ZNF563: variants seen among roughly 807,000 people sequenced by gnomAD.
ZNF563 encodes zinc finger protein 563.
In ZNF563, 39 loss-of-function variants were observed where a neutral mutation model predicts 48.5. The ratio of observed to expected loss-of-function variants is 0.80; its 90% CI spans 0.62 to 1.05. The LOEUF (loss-of-function observed/expected upper bound fraction) is 1.05. Among genes scored for constraint, ZNF563 ranks in the 50% least tolerant of loss-of-function variants. ZNF563 has a pLI of 0.00. For synonymous variants in ZNF563, 168 were observed against 187.9 expected, an observed-to-expected ratio of 0.89 and a Z score of 0.87; for missense variants, 538 against 597.0, an observed-to-expected ratio of 0.90 and a Z score of 1.03.
the ZNF563 span, chr19:12,346,775 G>C: frequency 6.6e-6 from 1 of 152,178 alleles, no homozygotes; most frequent in South Asian, 2.1e-4. Flanking sequence ...CAAAAACAAT[G>C]AGTTCCTGAT....
Position 12,321,285 on chromosome 19 carries a change from T to A in ZNF563, c.178A>T (p.Arg60Trp), listed in dbSNP as rs1599568739. ...AGTGCAAATTACCTTAGATTTCTCC[T>A]AGGATTTTTGTACTGATCTTCAGTA... ...QNTEDQYKNP[R>W]RNLRCHMVER... is the part of the protein sequence containing the mutation. The change falls in exon 3 of 4, where the codon AGG becomes TGG. Residue 60 changes from arginine (R) to tryptophan (W), a missense_variant. By Grantham distance (101) the Arg-to-Trp change is moderately radical. Transcript: ENST00000293725. 1.3e-6 allele frequency: 2 copies of A among 1,577,152 alleles called. No individual in the cohort carries two copies. Among genetic ancestry groups the A allele is most frequent in the East Asian group, 2.3e-5 (1 of 42,622 alleles).
upstream of ZNF563, among the ~76,000 whole-genome samples, chr19:12,337,776 C>T (rs1969035169): frequency 6.6e-6 from 1 of 152,124 alleles, no homozygotes; most frequent in Admixed American, 6.5e-5. Context: ...GAGAAGGTGA[C>T]ATTTAATGTG....
chr19:12,329,789 G>GA (rs1223104236), intron 1 of ZNF563, among the ~76,000 whole-genome samples: 2 of 152,072 alleles, frequency 1.3e-5, no homozygotes, highest in Non-Finnish European at 2.9e-5. Flanking sequence ...AATATCCCAA[G>GA]AAAAAGGAAC....
At chr19:12,338,177 C>T (rs116763168), upstream of ZNF563, among the ~76,000 whole-genome samples, 2,157 of 152,206 alleles carry the variant, frequency 0.014, 51 homozygotes, top group African/African-American at 0.05. Context: ...GGCAGGGTAC[C>T]AAGCATAAAG....
At chr19:12,327,373 T>G (rs1191530408) in intron 1 of ZNF563, among the ~76,000 whole-genome samples, 2 of 148,044 alleles carry the variant, frequency 1.4e-5, no homozygotes, top group African/African-American at 5.0e-5. Context: ...GGCAGGAGAA[T>G]CGCTTGAACC....
Position 12,333,588 on chromosome 19 carries a change from G to A in ZNF563, c.-106C>T, listed in dbSNP as rs909049441. 6.6e-7 allele frequency: 1 copy of A among 1,514,590 alleles called. No homozygotes were observed. Among genetic ancestry groups the A allele is most frequent in the East Asian group, 2.3e-5 (1 of 43,078 alleles). 93.8% of individuals were successfully genotyped at this position (1,514,590 alleles called of 1,614,324 possible). On this transcript the variant is annotated 5_prime_UTR_variant, in exon 1 of 4. Coordinates refer to ENST00000293725, the MANE Select transcript of ZNF563 (RefSeq NM_145276.3). ...CAGACGTTCCAGGGCGTCTCTCAGC[G>A]ACTGAGGCTACACAGACGTTCCAGG... is the stretch of plus-strand genomic sequence containing the variant.
upstream of ZNF563, among the ~76,000 whole-genome samples, chr19:12,338,397 A>G (rs28876998): frequency 0.049 from 7,407 of 152,106 alleles, 597 homozygotes; most frequent in African/African-American, 0.17. Flanking sequence ...ACAGGTGTGT[A>G]CCACCACACC....
chr19:12,339,273 CTTTT>C, the ZNF563 span, among the ~76,000 whole-genome samples: 3,465 of 86,722 alleles, frequency 0.04, 213 homozygotes, highest in African/African-American at 0.13. Context: ...CAGTTGATTT[CTTTT>C]TTTTTTTTTT....
Position 12,319,761 on chromosome 19 carries a change from T to A in ZNF563, c.264A>T (p.Arg88=). ...AAATGCTGTTGTTCACAATACTATC[T>A]CGAATGAGGCTAAATGTTTCTCCAC... is the stretch of plus-strand genomic sequence containing the variant. ...SQCGETFSLI[R]DSIVNNSICP... The change falls in exon 4 of 4, where the codon CGA becomes CGT. Residue 88 remains arginine, a synonymous_variant. Transcript: ENST00000293725. The A allele has an allele frequency of 6.2e-7, 1 of 1,614,198 alleles. No individual in the cohort carries two copies. Among genetic ancestry groups the A allele is most frequent in the Non-Finnish European group, 8.5e-7 (1 of 1,180,048 alleles).
At chr19:12,333,782 C>T, upstream of ZNF563, 1 of 470,792 alleles carries the variant, frequency 2.1e-6, no homozygotes, top group South Asian at 3.5e-5. Context: ...CCCCTGGGCA[C>T]TGAGTGACAG....
At position 12,319,243 on chromosome 19, in the gene ZNF563, G is replaced by C. The variant is rs150602666; in HGVS notation, c.782C>G (p.Ala261Gly). The C allele has an allele frequency of 2.5e-6, 4 of 1,614,022 alleles. No homozygotes were observed. The South Asian group carries it at 3.3e-5, about 13-fold the overall frequency. ...KPYECKQCSK[A>G]LPDSSSYIRH... ...TATATAGGAACTGGAATCAGGCAAG[G>C]CTTTAGAACACTGCTTACATTCATA... The change falls in exon 4 of 4, where the codon GCC becomes GGC. Residue 261 changes from alanine to glycine, a missense_variant. Physicochemically the swap from Ala to Gly is moderately conservative, Grantham distance 60. Coordinates refer to ENST00000293725, the MANE Select transcript of ZNF563 (RefSeq NM_145276.3).
chr19:12,333,413 C>A, intron 1 of ZNF563, 67 bp downstream of exon 1: 2 of 1,580,046 alleles, frequency 1.3e-6, no homozygotes, highest in Non-Finnish European at 8.6e-7. Flanking sequence ...ACGTTCGCCG[C>A]GGCCGGTTCT....
chr19:12,342,058 T>C, the ZNF563 span, among the ~76,000 whole-genome samples: 10 of 152,314 alleles, frequency 6.6e-5, no homozygotes, highest in Admixed American at 2.0e-4. Flanking sequence ...GTCACCTAAG[T>C]TGGAGTACAG....
chr19:12,338,833 C>G, the ZNF563 span, among the ~76,000 whole-genome samples: 24 of 152,036 alleles, frequency 1.6e-4, no homozygotes, highest in Non-Finnish European at 1.8e-4. Context: ...GCCTGGGCAA[C>G]AAGACTGAGA....
At chr19:12,335,990 T>C (rs930660608), upstream of ZNF563, among the ~76,000 whole-genome samples, 2 of 152,210 alleles carry the variant, frequency 1.3e-5, no homozygotes, top group Non-Finnish European at 2.9e-5. Context: ...AAGGGAATGT[T>C]CCCCATGGCC....
At chr19:12,326,976 A>C (rs868570873) in intron 1 of ZNF563, among the ~76,000 whole-genome samples, 4 of 152,308 alleles carry the variant, frequency 2.6e-5, no homozygotes, top group Middle Eastern at 3.4e-3. Flanking sequence ...TGAAAGGAAG[A>C]AGTTTCAAAC....
At chr19:12,338,713 A>G (rs1248460757), upstream of ZNF563, among the ~76,000 whole-genome samples, 1 of 152,018 alleles carries the variant, frequency 6.6e-6, no homozygotes, top group Non-Finnish European at 1.5e-5. Flanking sequence ...TTAGCCATGC[A>G]TGGTGGCACA....
chr19:12,333,595 G>C lies in ZNF563; in HGVS notation c.-113C>G. On this transcript the variant is annotated 5_prime_UTR_variant, in exon 1 of 4. Transcript: ENST00000293725. ...TCCAGGGCGTCTCTCAGCGACTGAG[G>C]CTACACAGACGTTCCAGGGCGTCTC... The C allele has an allele frequency of 6.8e-7, 1 of 1,472,280 alleles. No homozygotes were observed. Among genetic ancestry groups the C allele is most frequent in the South Asian group, 1.2e-5 (1 of 80,062 alleles). The allele number at this position is 1,472,280 out of a possible 1,614,324, so 91.2% of individuals were successfully genotyped here.
rs1968974343 is a variant in ZNF563, at chr19:12,333,476, G to A, written c.3+4C>T. ...TTTTGGGACGCCTGACCCTGCACAC[G>A]CACCATTTCCCGGCTTCCGGGATGT... On this transcript the variant is annotated splice_donor_region_variant and intron_variant, in intron 1 of 3. Coordinates refer to ENST00000293725, the MANE Select transcript of ZNF563 (RefSeq NM_145276.3). The A allele has an allele frequency of 1.2e-6, 2 of 1,612,944 alleles. No individual in the cohort carries two copies. The highest frequency in any genetic ancestry group is 1.7e-5 in the Admixed American group (1 of 59,898).
Sources: allele counts gnomAD v4.1 joint callset (sites outside exome capture counted in the v4.1 genomes callset), GRCh38; gene constraint gnomAD v4.1.1; transcripts MANE v1.5; gene names NCBI Gene and HGNC (gene_info 2026-07-23, HGNC 2026-07-21).